The following ZFR variants were observed in gnomAD, a reference collection of about 807,000 sequenced individuals.
The protein encoded by ZFR is zinc finger RNA-binding protein.
A neutral mutation model predicts 130.7 loss-of-function variants in ZFR; 19 were observed. That is an observed-to-expected ratio of 0.15 (90% CI 0.10 to 0.21). The LOEUF (loss-of-function observed/expected upper bound fraction) is 0.21. ZFR is among the 10% of genes least tolerant of loss of function. The pLI is 1.00. For synonymous variants in ZFR, 466 were observed against 456.9 expected (o/e 1.02, Z -0.25); for missense variants, 872 against 1,321.5 (o/e 0.66, Z 5.27).
intron 19 of ZFR, among the ~76,000 whole-genome samples, chr5:32,358,780 C>T (rs893921701): frequency 3.3e-5 from 5 of 151,614 alleles, no homozygotes; most frequent in South Asian, 2.1e-4. Flanking sequence ...AAGGGCATAT[C>T]GAACTATCAG....
rs1016651278 is a variant in ZFR at position 32,393,875 on chromosome 5, A to G, written c.1979+1284T>C. Among the ~76,000 whole-genome samples, 11 of 152,188 alleles carry G rather than the reference A, an allele frequency of 7.2e-5. No homozygotes were observed. The East Asian group carries it at 1.5e-3, about 21-fold the overall frequency. Reference sequence around the variant, plus strand: ...AGTAATATCGCCTCAATAGGTTCACATACTTGGTGAAAGAAACAAAAAAGT... The same window carrying G: ...AGTAATATCGCCTCAATAGGTTCACGTACTTGGTGAAAGAAACAAAAAAGT... On this transcript the variant is annotated intron_variant, in intron 11 of 19. Transcript: ENST00000265069.
chr5:32,424,106 G>C (rs1277690150), intron 2 of ZFR, among the ~76,000 whole-genome samples: 1 of 152,204 alleles, frequency 6.6e-6, no homozygotes, highest in Non-Finnish European at 1.5e-5. Flanking sequence ...GGTGGCAGCA[G>C]GCCCAGAGAG....
intron 12 of ZFR, 25 bp downstream of exon 12, chr5:32,390,250 T>C (rs752785154): frequency 6.2e-7 from 1 of 1,601,036 alleles, no homozygotes; most frequent in Admixed American, 1.7e-5. Flanking sequence ...CTTTCACCCC[T>C]TGTATCACCA....
At chr5:32,416,682 A>G (rs924418307) in intron 4 of ZFR, among the ~76,000 whole-genome samples, 1 of 151,946 alleles carries the variant, frequency 6.6e-6, no homozygotes, top group African/African-American at 2.4e-5. Flanking sequence ...AACATGTTAA[A>G]ACCACTTTTA....
At chr5:32,443,737 AAGC>A in intron 2 of ZFR, among the ~76,000 whole-genome samples, 1 of 152,366 alleles carries the variant, frequency 6.6e-6, no homozygotes, top group South Asian at 2.1e-4. Context: ...CCGGGGGTTG[AAGC>A]ACCAGGCGAC....
intron 2 of ZFR, among the ~76,000 whole-genome samples, chr5:32,435,903 G>A (rs764265021): frequency 6.6e-6 from 1 of 152,110 alleles, no homozygotes; most frequent in Non-Finnish European, 1.5e-5. Context: ...AAAATTTTAT[G>A]CTATTTTTTT....
intron 17 of ZFR, among the ~76,000 whole-genome samples, chr5:32,367,613 T>A (rs1752576044): frequency 6.6e-6 from 1 of 152,136 alleles, no homozygotes; most frequent in Admixed American, 6.5e-5. Context: ...GAGGTCTTGC[T>A]ATGTTGCCTG....
At chr5:32,395,716 TGAG>T (rs1753288908) in intron 10 of ZFR, among the ~76,000 whole-genome samples, 1 of 152,280 alleles carries the variant, frequency 6.6e-6, no homozygotes, top group South Asian at 2.1e-4. Flanking sequence ...TTGAAGATGA[TGAG>T]GATGAAGACC....
chr5:32,378,896 G>GA (rs1752882548), intron 17 of ZFR, among the ~76,000 whole-genome samples: 1 of 148,652 alleles, frequency 6.7e-6, no homozygotes, highest in Admixed American at 6.7e-5. Context: ...ACAGCAAAAA[G>GA]AAAAAAACAC....
intron 7 of ZFR, 22 bp downstream of exon 7, chr5:32,403,882 GGT>G (rs763608905): frequency 1.3e-5 from 20 of 1,554,054 alleles, no homozygotes; most frequent in Non-Finnish European, 1.7e-5. Flanking sequence ...AAGGCATAAG[GGT>G]GTGTGGGAAA....
intron 2 of ZFR, among the ~76,000 whole-genome samples, chr5:32,424,244 G>A (rs938816882): frequency 2.0e-5 from 3 of 152,080 alleles, no homozygotes; most frequent in African/African-American, 7.2e-5. Context: ...ATGACAACAT[G>A]ATTAAGAAAA....
At chr5:32,426,157 C>A (rs899227542) in intron 2 of ZFR, among the ~76,000 whole-genome samples, 7 of 152,056 alleles carry the variant, frequency 4.6e-5, no homozygotes, top group Non-Finnish European at 8.8e-5. Flanking sequence ...GATATGAAAT[C>A]ACTAGTAAGT....
At chr5:32,439,949 T>C (rs963811694) in intron 2 of ZFR, among the ~76,000 whole-genome samples, 2 of 152,074 alleles carry the variant, frequency 1.3e-5, no homozygotes, top group Admixed American at 1.3e-4. Flanking sequence ...ACTGAAGAAT[T>C]CCTATCAGAA....
chr5:32,389,348 T>C (rs900226346), intron 12 of ZFR, among the ~76,000 whole-genome samples: 1 of 152,174 alleles, frequency 6.6e-6, no homozygotes, highest in Non-Finnish European at 1.5e-5. Flanking sequence ...TTTCTTTCTA[T>C]TAAAAAAAAA....
rs116152801 is a variant in ZFR at position 32,414,809 on chromosome 5, C to T, written c.784+160G>A. ...CTCCCCACGCCCCCAAAAAAGCATA[C>T]AATTTACAGAACAGTCACATTATGT... On this transcript the variant is annotated intron_variant, in intron 5 of 19. Transcript: ENST00000265069. 5.2e-3 allele frequency among the ~76,000 whole-genome samples: 794 copies of T among 152,246 alleles called. 5 individuals are homozygous for T. The highest frequency in any genetic ancestry group is 0.018 in the African/African-American group (755 of 41,546).
intron 8 of ZFR, 79 bp downstream of exon 8, chr5:32,403,027 G>C (rs1581699285): frequency 7.0e-7 from 1 of 1,436,086 alleles, no homozygotes; most frequent in East Asian, 2.3e-5. Flanking sequence ...CAAGAACACA[G>C]GGAGAAGGGT....
In ZFR at chr5:32,364,727, G is replaced by C. The variant is rs1211209971; in HGVS notation, c.2836-452C>G. The C allele has an allele frequency of 3.3e-5, 5 of 152,018 alleles. No homozygotes were observed. In the South Asian group the frequency reaches 1.0e-3, roughly 32 times the overall value. 9.4% of individuals were successfully genotyped at this position (152,018 alleles called of 1,614,324 possible). A position where few individuals can be genotyped will look rare whatever the true frequency, so the allele number is the denominator to read the frequency against. On this transcript the variant is annotated intron_variant, in intron 17 of 19. Coordinates refer to ENST00000265069, the MANE Select transcript of ZFR (RefSeq NM_016107.5). ...ACTCTAGCACCCTGAGTGATGGAGTGAGACCATCTTTCTTCACAAACAAAA... is the reference window on the plus strand; with the variant it reads ...ACTCTAGCACCCTGAGTGATGGAGTCAGACCATCTTTCTTCACAAACAAAA...
intron 4 of ZFR, among the ~76,000 whole-genome samples, chr5:32,415,513 TGTGCGCGC>T (rs1048582593): frequency 1.8e-4 from 17 of 92,306 alleles, no homozygotes; most frequent in Middle Eastern, 4.5e-3. Context: ...TGTGTGTGTG[TGTGCGCGC>T]GCGCGCGCGC....
At chr5:32,375,086 C>CTTA (rs1283384559) in intron 17 of ZFR, among the ~76,000 whole-genome samples, 2 of 152,118 alleles carry the variant, frequency 1.3e-5, no homozygotes, top group Non-Finnish European at 2.9e-5. Context: ...GCAAGCAGAA[C>CTTA]TTAAGAGTTC....
Sources: gnomAD v4.1 joint callset for allele counts (sites outside exome capture counted in the v4.1 genomes callset) on GRCh38, gnomAD v4.1.1 for gene constraint, MANE v1.5 for transcripts, NCBI Gene and HGNC (gene_info 2026-07-23, HGNC 2026-07-21) for gene names.